HSPA12A: variants seen among roughly 807,000 people sequenced by gnomAD.
The protein encoded by HSPA12A is heat shock 70 kDa protein 12A.
A neutral mutation model predicts 69.2 loss-of-function variants in HSPA12A; 28 were observed. The observed-to-expected ratio is 0.40, with a 90% CI of 0.30 to 0.55. The LOEUF (loss-of-function observed/expected upper bound fraction) is 0.55, where lower values mean the gene tolerates loss of function less well. Ranked by LOEUF, HSPA12A falls within the 20% of genes least tolerant of loss-of-function variation. HSPA12A has a pLI of 0.38. For synonymous variants in HSPA12A, 345 were observed against 370.5 expected (o/e 0.93, Z 0.79); for missense variants, 686 against 900.7 (o/e 0.76, Z 3.05).
At chr10:116,848,845 G>A (rs1845960250) in intron 1 of HSPA12A, among the ~76,000 whole-genome samples, 2 of 152,092 alleles carry the variant, frequency 1.3e-5, no homozygotes, top group Non-Finnish European at 2.9e-5. Context: ...GTTCACCCCA[G>A]ATATTTTCAA....
In HSPA12A at chr10:116,671,680, G is replaced by A. The variant is rs1185021170; in HGVS notation, c.*3101C>T. On this transcript the variant is annotated 3_prime_UTR_variant, in exon 12 of 12. Transcript: ENST00000369209. ...GTTCCTCCTCTTTCCCCTCCTGTCTGTAACTTGTCTGTTACTCAGCATTTA... is the reference window on the plus strand; with the variant it reads ...GTTCCTCCTCTTTCCCCTCCTGTCTATAACTTGTCTGTTACTCAGCATTTA... The A allele has an allele frequency of 2.0e-5, 3 of 152,618 alleles. No homozygotes were observed. Among genetic ancestry groups the A allele is most frequent in the Non-Finnish European group, 4.4e-5 (3 of 68,048 alleles). 9.5% of individuals were successfully genotyped at this position (152,618 alleles called of 1,614,324 possible).
intron 2 of HSPA12A, among the ~76,000 whole-genome samples, chr10:116,827,193 C>G (rs1845524433): frequency 6.6e-6 from 1 of 152,216 alleles, no homozygotes. Flanking sequence ...TCAGGGGTCA[C>G]AATATCCTAA....
chr10:116,848,323 G>A (rs1004915813), intron 1 of HSPA12A, among the ~76,000 whole-genome samples: 1 of 152,238 alleles, frequency 6.6e-6, no homozygotes, highest in Non-Finnish European at 1.5e-5. Context: ...TTTGGAAGGT[G>A]CATGTCTGGG....
intron 2 of HSPA12A, among the ~76,000 whole-genome samples, chr10:116,776,177 G>A (rs782790579): frequency 2.6e-5 from 4 of 152,166 alleles, no homozygotes; most frequent in Non-Finnish European, 5.9e-5. Context: ...GCACCTCTGT[G>A]GCCCACCCCT....
At chr10:116,745,869 C>T (rs1851636260), upstream of HSPA12A, among the ~76,000 whole-genome samples, 1 of 152,226 alleles carries the variant, frequency 6.6e-6, no homozygotes, top group African/African-American at 2.4e-5. Context: ...TTGTTAACCC[C>T]ATTGTACAGA....
chr10:116,758,428 G>A (rs2133097640), intron 2 of HSPA12A, among the ~76,000 whole-genome samples: 1 of 152,292 alleles, frequency 6.6e-6, no homozygotes, highest in South Asian at 2.1e-4. Context: ...GAAAGCAAAT[G>A]AGTTGCCCAG....
intron 5 of HSPA12A, among the ~76,000 whole-genome samples, chr10:116,695,518 C>T (rs1248473466): frequency 6.6e-6 from 1 of 152,008 alleles, no homozygotes; most frequent in Non-Finnish European, 1.5e-5. Context: ...CCCATCTCTA[C>T]TAAAAATACA....
chr10:116,849,728 C>T (rs1428378166), exon 1 of HSPA12A: 15 of 1,521,002 alleles, frequency 9.9e-6, no homozygotes, highest in Non-Finnish European at 1.3e-5. Flanking sequence ...TCTACGGGCA[C>T]CTGGTAGGGA....
intron 2 of HSPA12A, among the ~76,000 whole-genome samples, chr10:116,808,510 C>T (rs576632900): frequency 1.3e-5 from 2 of 152,222 alleles, no homozygotes; most frequent in Admixed American, 6.5e-5. Flanking sequence ...GCATTTCAAT[C>T]GCCCCACAAG....
intron 2 of HSPA12A, among the ~76,000 whole-genome samples, chr10:116,776,265 C>A (rs569233901): frequency 1.6e-4 from 24 of 152,334 alleles, no homozygotes; most frequent in African/African-American, 5.3e-4. Context: ...TGGACGCCCC[C>A]CTCTGCCTCG....
chr10:116,741,155 G>A (rs999719491), intron 1 of HSPA12A, among the ~76,000 whole-genome samples: 9 of 151,540 alleles, frequency 5.9e-5, no homozygotes, highest in African/African-American at 2.2e-4. Flanking sequence ...TCCCCCACCC[G>A]CCACCCTGCA....
intron 2 of HSPA12A, among the ~76,000 whole-genome samples, chr10:116,792,259 CAA>C (rs55642476): frequency 1.3e-4 from 8 of 61,004 alleles, no homozygotes; most frequent in African/African-American, 5.4e-4. Flanking sequence ...AACTCGGTCT[CAA>C]AAAAAAAAAA....
intron 6 of HSPA12A, among the ~76,000 whole-genome samples, chr10:116,689,341 G>C (rs1175955101): frequency 2.0e-5 from 3 of 152,014 alleles, no homozygotes; most frequent in Non-Finnish European, 4.4e-5. Flanking sequence ...TTCTCCAACT[G>C]TCCTACTGGA....
chr10:116,742,142 C>A (rs1260859197), intron 1 of HSPA12A, among the ~76,000 whole-genome samples: 1 of 152,000 alleles, frequency 6.6e-6, no homozygotes, highest in Non-Finnish European at 1.5e-5. Context: ...GAGGCGCCAC[C>A]CGAGGCAGGG....
chr10:116,826,842 T>C (rs555518444), intron 2 of HSPA12A, among the ~76,000 whole-genome samples: 41 of 152,284 alleles, frequency 2.7e-4, no homozygotes, highest in Admixed American at 7.8e-4. Flanking sequence ...GTTTAATCTG[T>C]GCCAGGCACC....
At chr10:116,813,650 G>A (rs985028124) in intron 2 of HSPA12A, among the ~76,000 whole-genome samples, 5 of 152,074 alleles carry the variant, frequency 3.3e-5, no homozygotes, top group South Asian at 2.1e-4. Flanking sequence ...AGGCCAAGGC[G>A]GGAGGATTGC....
intron 2 of HSPA12A, among the ~76,000 whole-genome samples, chr10:116,824,601 T>G (rs932359047): frequency 6.6e-6 from 1 of 152,240 alleles, no homozygotes; most frequent in East Asian, 1.9e-4. Flanking sequence ...GCTCAGTGGC[T>G]CACGCCTGTA....
chr10:116,684,130 C>A (rs902111573), intron 6 of HSPA12A, among the ~76,000 whole-genome samples, 168 bp from the exon 7 acceptor site: 16 of 152,182 alleles, frequency 1.1e-4, no homozygotes, highest in African/African-American at 3.6e-4. Context: ...TGCCTCGGTA[C>A]TGGGCCCCAA....
At chr10:116,846,379 T>C (rs1845885011) in intron 1 of HSPA12A, among the ~76,000 whole-genome samples, 1 of 151,520 alleles carries the variant, frequency 6.6e-6, no homozygotes, top group South Asian at 2.1e-4. Flanking sequence ...ATGCAGAGTC[T>C]CGCTCTGTCA....
Sources: allele counts gnomAD v4.1 joint callset (sites outside exome capture counted in the v4.1 genomes callset), GRCh38; gene constraint gnomAD v4.1.1; transcripts MANE v1.5; gene names NCBI Gene and HGNC (gene_info 2026-07-23, HGNC 2026-07-21).